Variants in LUC7L2 observed in about 807,000 individuals in gnomAD.
The protein encoded by LUC7L2 is LUC7 like 2, pre-mRNA splicing factor, also known as putative RNA-binding protein Luc7-like 2.
In LUC7L2, 25 loss-of-function variants were observed where a neutral mutation model predicts 52.8. The ratio of observed to expected loss-of-function variants is 0.47; its 90% CI spans 0.34 to 0.66. The LOEUF is 0.66. LUC7L2 is among the 30% of genes least tolerant of loss of function. The pLI is 0.01. For synonymous variants in LUC7L2, 144 were observed against 160.9 expected, an observed-to-expected ratio of 0.89 and a Z score of 0.80; for missense variants, 328 against 497.8, an observed-to-expected ratio of 0.66 and a Z score of 3.25.
chr7:139,360,416 T>C (rs1345419044), intron 1 of LUC7L2, 94 bp downstream of exon 1: 3 of 1,184,224 alleles, frequency 2.5e-6, no homozygotes, highest in African/African-American at 1.5e-5. Flanking sequence ...CGCGTGTGGC[T>C]GAGTAAGGGG....
chr7:139,368,614 T>C (rs1800285200), intron 1 of LUC7L2, among the ~76,000 whole-genome samples: 1 of 151,864 alleles, frequency 6.6e-6, no homozygotes, highest in South Asian at 2.1e-4. Context: ...GGTGGGTGCC[T>C]GTAATCCCAG....
At chr7:139,382,337 T>C (rs1801074396) in intron 2 of LUC7L2, among the ~76,000 whole-genome samples, 1 of 152,184 alleles carries the variant, frequency 6.6e-6, no homozygotes, top group South Asian at 2.1e-4. Context: ...GACTTTGATA[T>C]TGTCGTAGTC....
intron 9 of LUC7L2, among the ~76,000 whole-genome samples, chr7:139,419,942 A>T (rs1250498243): frequency 6.6e-6 from 1 of 152,252 alleles, no homozygotes; most frequent in Non-Finnish European, 1.5e-5. Flanking sequence ...ATTTCATACA[A>T]CATCAAGTTA....
chr7:139,354,967 C>CT (rs1377521130), upstream of LUC7L2, among the ~76,000 whole-genome samples: 1 of 151,900 alleles, frequency 6.6e-6, no homozygotes, highest in African/African-American at 2.4e-5. Flanking sequence ...AAGAGAGCCT[C>CT]TTGCCTCAGG....
At chr7:139,355,385 A>G (rs958224426), upstream of LUC7L2, among the ~76,000 whole-genome samples, 2 of 149,314 alleles carry the variant, frequency 1.3e-5, no homozygotes, top group Non-Finnish European at 2.9e-5. Context: ...TTAGCACACA[A>G]AGAAAACCAG....
intron 1 of LUC7L2, among the ~76,000 whole-genome samples, chr7:139,374,040 G>A (rs11769123): frequency 0.029 from 4,344 of 152,188 alleles, 83 homozygotes; most frequent in Middle Eastern, 0.058. Context: ...TAATTAAATA[G>A]CATTGACATT....
intron 8 of LUC7L2, among the ~76,000 whole-genome samples, chr7:139,414,669 C>T (rs1795508776): frequency 6.6e-6 from 1 of 152,234 alleles, no homozygotes; most frequent in Non-Finnish European, 1.5e-5. Context: ...ATTCCAGCCA[C>T]ACTGGTCTTT....
intron 1 of LUC7L2, among the ~76,000 whole-genome samples, chr7:139,350,961 A>G (rs1457234037): frequency 6.6e-6 from 1 of 152,286 alleles, no homozygotes; most frequent in East Asian, 1.9e-4. Context: ...GGTGTGAGCC[A>G]CTGCGCCTGG....
At chr7:139,370,872 T>TGAAAGAAATGGAG (rs1420276126) in intron 1 of LUC7L2, among the ~76,000 whole-genome samples, 65 of 106,728 alleles carry the variant, frequency 6.1e-4, no homozygotes, top group African/African-American at 4.2e-3. Flanking sequence ...CAGCTTATGT[T>TGAAAGAAATGGAG]GGAAGAAATG....
At chr7:139,412,424 C>A in intron 7 of LUC7L2, 127 bp from the exon 8 acceptor site, 2 of 1,152,518 alleles carry the variant, frequency 1.7e-6, no homozygotes, top group Non-Finnish European at 2.3e-6. Context: ...ATTTTGTGTG[C>A]GTAGGTACAC....
chr7:139,353,538 C>T (rs992828479), intron 1 of LUC7L2, among the ~76,000 whole-genome samples: 8 of 151,978 alleles, frequency 5.3e-5, no homozygotes, highest in African/African-American at 1.7e-4. Context: ...TACATGGTTA[C>T]TACACTTAAA....
At chr7:139,393,942 A>G (rs1262028440) in intron 2 of LUC7L2, among the ~76,000 whole-genome samples, 1 of 151,918 alleles carries the variant, frequency 6.6e-6, no homozygotes, top group Non-Finnish European at 1.5e-5. Flanking sequence ...CTTCTTTATT[A>G]TAATTAGGCC....
At chr7:139,377,610 T>C (rs375388938) in intron 2 of LUC7L2, among the ~76,000 whole-genome samples, 13 of 152,030 alleles carry the variant, frequency 8.6e-5, no homozygotes, top group African/African-American at 3.1e-4. Context: ...GCCAGGCTGG[T>C]CTCGAACTTC....
intron 2 of LUC7L2, among the ~76,000 whole-genome samples, chr7:139,376,971 T>G (rs1012499917): frequency 1.3e-5 from 2 of 152,156 alleles, no homozygotes; most frequent in Non-Finnish European, 2.9e-5. Context: ...TAGGAAGAGT[T>G]AAAATTAAGG....
chr7:139,362,678 G>A (rs1799949278), intron 1 of LUC7L2, among the ~76,000 whole-genome samples: 1 of 148,954 alleles, frequency 6.7e-6, no homozygotes, highest in Admixed American at 6.7e-5. Flanking sequence ...CTCTTTTTTG[G>A]AAGTGGGGTT....
At chr7:139,415,104 G>T (rs1213934473) in intron 8 of LUC7L2, among the ~76,000 whole-genome samples, 2 of 145,740 alleles carry the variant, frequency 1.4e-5, no homozygotes, top group Non-Finnish European at 3.0e-5. Context: ...TAGAGTAGGG[G>T]TTTCACCATG....
chr7:139,423,120 A>T lies in LUC7L2; in HGVS notation c.*780A>T. On this transcript the variant is annotated 3_prime_UTR_variant, in exon 10 of 10. Transcript: ENST00000354926. Reference sequence around the variant, plus strand: ...TAAAGGCTACACCCTTATTGTAAAAAAATAATAATAATAAAATGAAAGAAA... The same window carrying T: ...TAAAGGCTACACCCTTATTGTAAAATAATAATAATAATAAAATGAAAGAAA... The T allele has an allele frequency of 2.5e-6, 1 of 399,002 alleles. No individual in the cohort carries two copies. Among genetic ancestry groups the T allele is most frequent in the Admixed American group, 4.4e-5 (1 of 22,714 alleles). The allele number at this position is 399,002 out of a possible 1,614,324, so 24.7% of individuals were successfully genotyped here.
At chr7:139,421,110 C>A (rs1018555946) in intron 9 of LUC7L2, among the ~76,000 whole-genome samples, 1 of 152,130 alleles carries the variant, frequency 6.6e-6, no homozygotes, top group Non-Finnish European at 1.5e-5. Flanking sequence ...CTTTTTATAT[C>A]ATTTTAAGTT....
chr7:139,420,689 G>GCAT (rs1448887705), intron 9 of LUC7L2, among the ~76,000 whole-genome samples: 9 of 152,246 alleles, frequency 5.9e-5, no homozygotes, highest in Admixed American at 5.9e-4. Context: ...GGACTGTTTG[G>GCAT]CATCTAGTGT....
Sources: allele counts gnomAD v4.1 joint callset (sites outside exome capture counted in the v4.1 genomes callset), GRCh38; gene constraint gnomAD v4.1.1; transcripts MANE v1.5; gene names NCBI Gene and HGNC (gene_info 2026-07-23, HGNC 2026-07-21).